The following ERBB4 variants were observed in gnomAD, a reference collection of about 807,000 sequenced individuals.
ERBB4 encodes the protein erb-b2 receptor tyrosine kinase 4, also known as receptor tyrosine-protein kinase erbB-4.
ERBB4 carries 42 observed loss-of-function variants against 158.0 expected under a neutral mutation model. The ratio of observed to expected loss-of-function variants is 0.27; its 90% CI spans 0.21 to 0.34. ERBB4 has a LOEUF of 0.34. ERBB4 is among the 10% of genes least tolerant of loss of function. ERBB4 has a pLI of 1.00. For synonymous variants in ERBB4, 583 were observed against 558.7 expected (o/e 1.04, Z -0.61); for missense variants, 1,333 against 1,624.1 (o/e 0.82, Z 3.08).
intron 1 of ERBB4, among the ~76,000 whole-genome samples, chr2:212,343,820 A>G (rs1280401245): frequency 6.6e-6 from 1 of 152,112 alleles, no homozygotes; most frequent in African/African-American, 2.4e-5. Flanking sequence ...TTAATTTTTC[A>G]TGTTTATCTC....
At chr2:212,230,939 A>G (rs1053906825) in intron 1 of ERBB4, among the ~76,000 whole-genome samples, 1 of 152,144 alleles carries the variant, frequency 6.6e-6, no homozygotes, top group African/African-American at 2.4e-5. Flanking sequence ...TAAATAAACT[A>G]ATTTGATTCA....
At chr2:212,230,777 A>G (rs1413043882) in intron 1 of ERBB4, among the ~76,000 whole-genome samples, 1 of 152,210 alleles carries the variant, frequency 6.6e-6, no homozygotes, top group African/African-American at 2.4e-5. Context: ...TAAAATCAGG[A>G]GTTATAATAC....
At chr2:212,090,021 T>C (rs1360747088) in intron 2 of ERBB4, among the ~76,000 whole-genome samples, 1 of 152,140 alleles carries the variant, frequency 6.6e-6, no homozygotes, top group Admixed American at 6.6e-5. Context: ...TGAAGTATGA[T>C]TACTCAGCCT....
At chr2:212,485,636 T>G (rs1047999845) in intron 1 of ERBB4, among the ~76,000 whole-genome samples, 1 of 152,212 alleles carries the variant, frequency 6.6e-6, no homozygotes, top group East Asian at 1.9e-4. Context: ...AGTTTTCATT[T>G]AACCAGCACA....
intron 2 of ERBB4, among the ~76,000 whole-genome samples, chr2:211,987,126 A>G (rs1479335180): frequency 6.6e-6 from 1 of 151,946 alleles, no homozygotes; most frequent in Non-Finnish European, 1.5e-5. Flanking sequence ...TTGAAGGCTG[A>G]CCTAGCCAAC....
At chr2:211,966,124 G>A (rs2081304364) in intron 2 of ERBB4, among the ~76,000 whole-genome samples, 2 of 152,152 alleles carry the variant, frequency 1.3e-5, no homozygotes. Flanking sequence ...TGAGGTGGAA[G>A]GACTGCATGA....
At chr2:212,203,154 T>C (rs953548888) in intron 1 of ERBB4, among the ~76,000 whole-genome samples, 12 of 151,964 alleles carry the variant, frequency 7.9e-5, no homozygotes, top group Non-Finnish European at 1.5e-4. Context: ...TATGTTACAG[T>C]AATATATAAT....
At chr2:212,357,669 T>C (rs1311978512) in intron 1 of ERBB4, among the ~76,000 whole-genome samples, 2 of 151,618 alleles carry the variant, frequency 1.3e-5, no homozygotes, top group Non-Finnish European at 2.9e-5. Context: ...CTAACCTCCT[T>C]CGATCTGTTT....
At chr2:211,662,033 C>A in intron 15 of ERBB4, among the ~76,000 whole-genome samples, 1 of 66,654 alleles carries the variant, frequency 1.5e-5, no homozygotes, top group South Asian at 6.7e-4. Flanking sequence ...AGCGGGACTC[C>A]GTCTCAAAAA....
intron 1 of ERBB4, among the ~76,000 whole-genome samples, chr2:212,358,595 T>G (rs570806111): frequency 8.5e-4 from 129 of 151,904 alleles, no homozygotes; most frequent in African/African-American, 2.9e-3. Context: ...AGGTTATATA[T>G]GTTTTCCATT....
intron 1 of ERBB4, among the ~76,000 whole-genome samples, chr2:212,160,756 C>T (rs937030461): frequency 6.6e-6 from 1 of 151,990 alleles, no homozygotes; most frequent in Non-Finnish European, 1.5e-5. Flanking sequence ...ACTTGGCTGG[C>T]TATTTCCTAC....
intron 16 of ERBB4, among the ~76,000 whole-genome samples, chr2:211,650,947 C>T (rs896669992): frequency 2.6e-5 from 4 of 152,230 alleles, no homozygotes; most frequent in East Asian, 1.9e-4. Context: ...AATGGCCATA[C>T]GTGACTAGTG....
chr2:212,013,308 C>A (rs528653022), intron 2 of ERBB4, among the ~76,000 whole-genome samples: 1 of 152,156 alleles, frequency 6.6e-6, no homozygotes, highest in South Asian at 2.1e-4. Flanking sequence ...GATTATGCAC[C>A]TTTGAGGAGG....
intron 2 of ERBB4, among the ~76,000 whole-genome samples, chr2:211,987,982 T>C (rs2081979972): frequency 6.6e-6 from 1 of 152,166 alleles, no homozygotes; most frequent in African/African-American, 2.4e-5. Flanking sequence ...TTTTCTCAAG[T>C]GACATTACAA....
chr2:211,900,273 A>G (rs1433556193), intron 3 of ERBB4, among the ~76,000 whole-genome samples: 1 of 152,136 alleles, frequency 6.6e-6, no homozygotes, highest in Non-Finnish European at 1.5e-5. Context: ...TGAGCGTATC[A>G]ACACAGAGAA....
intron 20 of ERBB4, among the ~76,000 whole-genome samples, chr2:211,448,189 T>A (rs2064158427): frequency 6.6e-6 from 1 of 152,024 alleles, no homozygotes; most frequent in Non-Finnish European, 1.5e-5. Flanking sequence ...GCCAGACTAG[T>A]CTCAAACTCC....
rs1047074692 is a variant in ERBB4, at chr2:211,383,523, C to T, written c.*92G>A. On this transcript the variant is annotated 3_prime_UTR_variant, in exon 28 of 28. Transcript: ENST00000342788. ...CACTGGGAAGTGTCAAAACTACTGG[C>T]CTTGGGGTAGAAGGAAGACCACCAG... 1.1e-5 allele frequency: 11 copies of T among 1,035,908 alleles called. No individual in the cohort carries two copies. The highest frequency in any genetic ancestry group is 1.5e-5 in the Non-Finnish European group (10 of 663,282). 64.2% of individuals were successfully genotyped at this position (1,035,908 alleles called of 1,614,324 possible).
chr2:211,474,049 T>C (rs2064895098), intron 20 of ERBB4, among the ~76,000 whole-genome samples: 1 of 150,700 alleles, frequency 6.6e-6, no homozygotes, highest in African/African-American at 2.5e-5. Context: ...CTTTCTCTTG[T>C]ATATAAATGG....
chr2:212,012,053 G>T (rs1433016967), intron 2 of ERBB4, among the ~76,000 whole-genome samples: 1 of 152,096 alleles, frequency 6.6e-6, no homozygotes, highest in Non-Finnish European at 1.5e-5. Context: ...ACCAATTAGG[G>T]TTGTTTTTTA....
Sources: gnomAD v4.1 joint callset for allele counts (sites outside exome capture counted in the v4.1 genomes callset) on GRCh38, gnomAD v4.1.1 for gene constraint, MANE v1.5 for transcripts, NCBI Gene and HGNC (gene_info 2026-07-23, HGNC 2026-07-21) for gene names.